Variants in CBFA2T2 observed in about 807,000 individuals in gnomAD.
The protein encoded by CBFA2T2 is CBFA2/RUNX1 partner transcriptional co-repressor 2, also known as protein CBFA2T2.
A neutral mutation model predicts 62.2 loss-of-function variants in CBFA2T2; 11 were observed. That is an observed-to-expected ratio of 0.18 (90% CI 0.11 to 0.29). CBFA2T2 has a LOEUF of 0.29. Among genes scored for constraint, CBFA2T2 ranks in the 10% least tolerant of loss-of-function variants. CBFA2T2 has a pLI of 1.00. For missense variants in CBFA2T2, 592 were observed against 774.1 expected, an observed-to-expected ratio of 0.76 and a Z score of 2.79; for synonymous variants, 295 against 287.5, an observed-to-expected ratio of 1.03 and a Z score of -0.27.
chr20:33,605,899 A>G (rs1339330101), intron 1 of CBFA2T2, among the ~76,000 whole-genome samples: 2 of 151,838 alleles, frequency 1.3e-5, no homozygotes, highest in East Asian at 3.9e-4. Context: ...GCTCACTGCA[A>G]CCTCCGCCTC....
At chr20:33,529,958 T>C (rs550839578) in intron 1 of CBFA2T2, among the ~76,000 whole-genome samples, 1 of 151,914 alleles carries the variant, frequency 6.6e-6, no homozygotes, top group South Asian at 2.1e-4. Flanking sequence ...ATAATTTTTT[T>C]GTATTTTTAG....
chr20:33,613,676 C>T lies in CBFA2T2; in HGVS notation c.420+2341C>T, dbSNP rs140023264. The stretch of plus-strand genomic sequence containing the variant: ...TGTTTAGCATGAACCATACTGTTCG[C>T]AGAACCACTCTACACACGGCCACCC... On this transcript the variant is annotated intron_variant, in intron 3 of 10. Transcript: ENST00000342704. Among the ~76,000 whole-genome samples the T allele has an allele frequency of 4.2e-3, 638 of 152,290 alleles. 4 individuals carry two copies. The highest frequency in any genetic ancestry group is 0.014 in the African/African-American group (592 of 41,554).
At chr20:33,519,561 A>G (rs1028394509) in intron 1 of CBFA2T2, among the ~76,000 whole-genome samples, 1 of 152,160 alleles carries the variant, frequency 6.6e-6, no homozygotes, top group Non-Finnish European at 1.5e-5. Context: ...AGACTTGAGC[A>G]TTGGTGGATT....
intron 1 of CBFA2T2, among the ~76,000 whole-genome samples, chr20:33,601,208 C>T (rs2015119454): frequency 6.6e-6 from 1 of 151,798 alleles, no homozygotes; most frequent in Non-Finnish European, 1.5e-5. Flanking sequence ...GCCACCCACG[C>T]CCAGCCTGAG....
At chr20:33,583,041 C>A (rs1027422723) in intron 1 of CBFA2T2, among the ~76,000 whole-genome samples, 2 of 152,042 alleles carry the variant, frequency 1.3e-5, no homozygotes, top group African/African-American at 2.4e-5. Context: ...CATACTCTTT[C>A]CATTTTATTT....
rs529726824 is a variant in CBFA2T2 at position 33,628,362 on chromosome 20, G to T, written c.959G>T (p.Gly320Val). 4 of 1,610,656 alleles carry T rather than the reference G, an allele frequency of 2.5e-6. No individual in the cohort carries two copies. The Admixed American group carries it at 5.0e-5, about 20-fold the overall frequency. The change falls in exon 7 of 11, where the codon GGC (glycine) becomes GTC (valine). Residue 320 changes from glycine (G) to valine (V), a missense_variant. By Grantham distance (109) the Gly-to-Val change is moderately radical (BLOSUM62 -3). This residue lies in a region of CBFA2T2 where 449 missense variants were observed against 551.2 expected (regional missense o/e 0.81). Transcript: ENST00000342704. ...DRHHSLGLNG[G>V]YQDELVDHRL... Reference sequence around the variant, plus strand: ...TAATTTCTAATAGGTCTAAATGGAGGCTATCAAGATGAGTTGGTAGATCAT... The same window carrying T: ...TAATTTCTAATAGGTCTAAATGGAGTCTATCAAGATGAGTTGGTAGATCAT...
intron 1 of CBFA2T2, among the ~76,000 whole-genome samples, chr20:33,530,524 TCTC>T (rs1212692181): frequency 1.3e-5 from 2 of 151,940 alleles, no homozygotes; most frequent in Admixed American, 6.6e-5. Context: ...TTCATGCAAT[TCTC>T]CTGCTTCAGC....
Position 33,503,347 on chromosome 20 carries a change from C to T in CBFA2T2, c.34+13046C>T, listed in dbSNP as rs186327270. On this transcript the variant is annotated intron_variant, in intron 1 of 10. Transcript: ENST00000342704. ...TCAGCTCACTGCAACCTCTGCCTCC[C>T]GGGTTCAAGCGATTCTCCTGCCTCA... is the stretch of plus-strand genomic sequence containing the variant. 1.9e-4 allele frequency among the ~76,000 whole-genome samples: 29 copies of T among 150,010 alleles called. No individual in the cohort carries two copies. In the East Asian group the frequency reaches 4.2e-3, roughly 22 times the overall value.
intron 1 of CBFA2T2, among the ~76,000 whole-genome samples, chr20:33,514,746 G>A (rs1039173421): frequency 1.3e-5 from 2 of 151,844 alleles, no homozygotes; most frequent in Admixed American, 6.6e-5. Context: ...CCTATAGGCT[G>A]GAGTGCGATG....
intron 1 of CBFA2T2, among the ~76,000 whole-genome samples, chr20:33,590,923 C>T (rs1457935959): frequency 1.3e-5 from 2 of 151,994 alleles, no homozygotes; most frequent in African/African-American, 2.4e-5. Flanking sequence ...GCTTGTAATC[C>T]GAGCACTTTG....
intron 1 of CBFA2T2, among the ~76,000 whole-genome samples, chr20:33,494,517 G>A (rs1214098230): frequency 8.0e-5 from 12 of 150,724 alleles, no homozygotes; most frequent in South Asian, 2.1e-4. Context: ...TGCTGACCTC[G>A]TGATCCGCCC....
intron 7 of CBFA2T2, 70 bp downstream of exon 7, chr20:33,628,505 G>A (rs1817738456): frequency 9.2e-7 from 1 of 1,086,058 alleles, no homozygotes; most frequent in Non-Finnish European, 1.4e-6. Context: ...GTCTCGCTCT[G>A]TCACCCAGGA....
intron 10 of CBFA2T2, 119 bp from the exon 11 acceptor site, chr20:33,644,228 G>A (rs1438921220): frequency 2.8e-6 from 3 of 1,071,954 alleles, no homozygotes; most frequent in Non-Finnish European, 4.1e-6. Flanking sequence ...GACCACAGGT[G>A]TATGTAGTTC....
At chr20:33,609,222 C>G (rs2015439417) in intron 2 of CBFA2T2, among the ~76,000 whole-genome samples, 1 of 152,058 alleles carries the variant, frequency 6.6e-6, no homozygotes, top group South Asian at 2.1e-4. Context: ...AAGCATAGGC[C>G]AGGCGCAGTG....
chr20:33,563,476 G>C (rs2013165951), intron 1 of CBFA2T2, among the ~76,000 whole-genome samples: 1 of 152,032 alleles, frequency 6.6e-6, no homozygotes, highest in Non-Finnish European at 1.5e-5. Flanking sequence ...CCAAAGTGTT[G>C]GGATTGCAGG....
intron 1 of CBFA2T2, among the ~76,000 whole-genome samples, chr20:33,506,170 G>A: frequency 6.6e-6 from 1 of 152,076 alleles, no homozygotes; most frequent in East Asian, 1.9e-4. Flanking sequence ...CATTTTGAGA[G>A]GCCACAGTGG....
intron 3 of CBFA2T2, among the ~76,000 whole-genome samples, chr20:33,619,112 C>T (rs1469604987): frequency 6.6e-6 from 1 of 152,180 alleles, no homozygotes. Flanking sequence ...CGGTGGCTCA[C>T]CCCTGTAATC....
At chr20:33,643,239 A>AT (rs2016917402) in intron 10 of CBFA2T2, among the ~76,000 whole-genome samples, 1 of 152,182 alleles carries the variant, frequency 6.6e-6, no homozygotes, top group Non-Finnish European at 1.5e-5. Flanking sequence ...GTCAGTCTCC[A>AT]TCTCTGTTCA....
chr20:33,577,704 T>C (rs975238676), intron 1 of CBFA2T2, among the ~76,000 whole-genome samples: 6 of 152,338 alleles, frequency 3.9e-5, no homozygotes, highest in Admixed American at 1.3e-4. Flanking sequence ...TATTTTGCTA[T>C]AGTATGGTCT....
Sources: allele counts gnomAD v4.1 joint callset (sites outside exome capture counted in the v4.1 genomes callset), GRCh38; gene constraint gnomAD v4.1.1; regional missense constraint gnomAD v4.1.1; transcripts MANE v1.5; gene names NCBI Gene and HGNC (gene_info 2026-07-23, HGNC 2026-07-21).